GTF2F2: variants seen among roughly 807,000 people sequenced by gnomAD.
GTF2F2 encodes the protein ATP-dependent helicase GTF2F2.
Under a neutral mutation model 42.2 loss-of-function variants are expected in GTF2F2, and 23 were observed. That is an observed-to-expected ratio of 0.55 (90% CI 0.39 to 0.77). The LOEUF is 0.77. GTF2F2 is among the 30% of genes least tolerant of loss of function. The pLI is 0.00. For missense variants in GTF2F2, 261 were observed against 287.2 expected (o/e 0.91, Z 0.66); for synonymous variants, 105 against 100.8 (o/e 1.04, Z -0.25).
chr13:45,195,720 C>A (rs1488963488), intron 4 of GTF2F2, among the ~76,000 whole-genome samples: 1 of 152,200 alleles, frequency 6.6e-6, no homozygotes, highest in Non-Finnish European at 1.5e-5. Context: ...CATTTAAAGG[C>A]TCAGTGGTAA....
intron 6 of GTF2F2, among the ~76,000 whole-genome samples, chr13:45,265,366 C>T (rs550695316): frequency 1.3e-5 from 2 of 152,200 alleles, no homozygotes; most frequent in South Asian, 4.1e-4. Context: ...TCCTAGGTAG[C>T]TCTTTGTCCA....
chr13:45,140,890 A>G (rs1869896690), intron 2 of GTF2F2, among the ~76,000 whole-genome samples: 1 of 152,198 alleles, frequency 6.6e-6, no homozygotes, highest in Admixed American at 6.5e-5. Flanking sequence ...TGCCTTCACA[A>G]TACAGCTCAA....
chr13:45,151,734 T>A lies in GTF2F2; in HGVS notation c.207T>A (p.Gly69=). 6.2e-7 allele frequency: 1 copy of A among 1,605,588 alleles called. No individual in the cohort carries two copies. The highest frequency in any genetic ancestry group is 8.5e-7 in the Non-Finnish European group (1 of 1,173,470). ...ATCTTGCAAATATTCATGATATTGGTGGAAAACCAGCTTCAGTCAGTGCTC... is the reference window on the plus strand; with the variant it reads ...ATCTTGCAAATATTCATGATATTGGAGGAAAACCAGCTTCAGTCAGTGCTC... ...NEDLANIHDI[G]GKPASVSAPR... The change falls in exon 4 of 8, where the codon GGT becomes GGA. Residue 69 remains glycine (G), a synonymous_variant. Coordinates refer to ENST00000340473, the MANE Select transcript of GTF2F2 (RefSeq NM_004128.3).
At position 45,283,816 on chromosome 13, in the gene GTF2F2, T is replaced by C. The variant is rs559020862; in HGVS notation, c.*255T>C. 8 of 195,508 alleles carry C rather than the reference T, an allele frequency of 4.1e-5. No homozygotes were observed. The highest frequency in any genetic ancestry group is 7.2e-5 in the Non-Finnish European group (7 of 96,790). The allele number at this position is 195,508 out of a possible 1,614,324, so 12.1% of individuals were successfully genotyped here. On this transcript the variant is annotated 3_prime_UTR_variant, in exon 8 of 8. Coordinates refer to ENST00000340473, the MANE Select transcript of GTF2F2 (RefSeq NM_004128.3). ...CACAGTAGGAATAGGGGTTGGAGGA[T>C]TAAGAGGGTTTTTCTTAAATATTAG...
intron 4 of GTF2F2, among the ~76,000 whole-genome samples, chr13:45,166,153 A>G (rs1871289758): frequency 6.6e-6 from 1 of 152,188 alleles, no homozygotes; most frequent in Non-Finnish European, 1.5e-5. Flanking sequence ...TTTTAGAAAA[A>G]TACATAACCA....
chr13:45,216,721 G>A (rs1205718246), intron 5 of GTF2F2, among the ~76,000 whole-genome samples: 1 of 151,928 alleles, frequency 6.6e-6, no homozygotes, highest in Non-Finnish European at 1.5e-5. Context: ...ATTGCTCCAA[G>A]TTGGCCAGGC....
chr13:45,155,687 T>A (rs936425739), intron 4 of GTF2F2, among the ~76,000 whole-genome samples: 1 of 152,216 alleles, frequency 6.6e-6, no homozygotes, highest in Non-Finnish European at 1.5e-5. Context: ...TGAGAGAATA[T>A]ATTTTATTTT....
chr13:45,147,414 G>A (rs1170391970), intron 2 of GTF2F2, among the ~76,000 whole-genome samples: 1 of 152,098 alleles, frequency 6.6e-6, no homozygotes, highest in Non-Finnish European at 1.5e-5. Context: ...TAAATTAAAG[G>A]CAGTTACATT....
intron 4 of GTF2F2, among the ~76,000 whole-genome samples, chr13:45,154,497 A>G (rs1167669644): frequency 1.3e-5 from 2 of 152,154 alleles, no homozygotes; most frequent in African/African-American, 4.8e-5. Context: ...CTTGGACAGT[A>G]TGTTCTTTAT....
At chr13:45,164,839 G>A (rs1246453896) in intron 4 of GTF2F2, among the ~76,000 whole-genome samples, 1 of 145,846 alleles carries the variant, frequency 6.9e-6, no homozygotes, top group African/African-American at 2.5e-5. Context: ...AGAATGGGAA[G>A]GGTTACCAAA....
At chr13:45,200,951 T>C (rs1873152872) in intron 4 of GTF2F2, among the ~76,000 whole-genome samples, 1 of 152,186 alleles carries the variant, frequency 6.6e-6, no homozygotes, top group Non-Finnish European at 1.5e-5. Flanking sequence ...GAAATGTTGG[T>C]CAGTAGTCCT....
chr13:45,283,225 T>A (rs1877334446), intron 7 of GTF2F2, among the ~76,000 whole-genome samples: 1 of 152,142 alleles, frequency 6.6e-6, no homozygotes, highest in South Asian at 2.1e-4. Flanking sequence ...GACTTTCAAC[T>A]CCTTTAATGC....
chr13:45,231,402 G>T (rs1874675800), intron 5 of GTF2F2, among the ~76,000 whole-genome samples: 1 of 152,074 alleles, frequency 6.6e-6, no homozygotes, highest in Non-Finnish European at 1.5e-5. Flanking sequence ...CACTGTGCCG[G>T]CCTATTTTCA....
intron 4 of GTF2F2, among the ~76,000 whole-genome samples, chr13:45,182,735 A>G (rs184131597): frequency 5.3e-5 from 8 of 152,178 alleles, no homozygotes; most frequent in Admixed American, 3.9e-4. Context: ...ATTGTTCACT[A>G]TTGGTAGCTA....
At chr13:45,217,193 G>A (rs769055787) in intron 5 of GTF2F2, among the ~76,000 whole-genome samples, 1 of 151,762 alleles carries the variant, frequency 6.6e-6, no homozygotes, top group Non-Finnish European at 1.5e-5. Flanking sequence ...CAGCTACTCG[G>A]GAGGTTGAGG....
At chr13:45,195,510 T>A (rs1042322612) in intron 4 of GTF2F2, among the ~76,000 whole-genome samples, 3 of 150,478 alleles carry the variant, frequency 2.0e-5, no homozygotes, top group Non-Finnish European at 4.4e-5. Flanking sequence ...CAAAATAGTG[T>A]CATGGGTAAG....
rs559314746 is a variant in GTF2F2, at chr13:45,260,417, A to C, written c.487-6816A>C. Among the ~76,000 whole-genome samples, 9 of 152,318 alleles carry C rather than the reference A, an allele frequency of 5.9e-5. No homozygotes were observed. The South Asian group carries it at 1.9e-3, about 32-fold the overall frequency. On this transcript the variant is annotated intron_variant, in intron 6 of 7. Transcript: ENST00000340473. ...ATTTCCTCCCAAGAGATAATGACAC[A>C]CTAGGCAGAAATAGAAGCATTAGTT...
intron 5 of GTF2F2, among the ~76,000 whole-genome samples, chr13:45,245,696 T>TATAC (rs1875560425): frequency 1.6e-5 from 1 of 63,542 alleles, no homozygotes; most frequent in Non-Finnish European, 2.8e-5. Context: ...TATATATATA[T>TATAC]ATATACATAT....
In GTF2F2 at chr13:45,136,937, T is replaced by G; in HGVS notation, c.140+131T>G. On this transcript the variant is annotated intron_variant, in intron 2 of 7. Coordinates refer to ENST00000340473, the MANE Select transcript of GTF2F2 (RefSeq NM_004128.3). ...GACAAGTAATGAGCATGTCAAGGCT[T>G]GTCAGGAGATGGTTAGGTGCCCTGT... 3 of 625,286 alleles carry G rather than the reference T, an allele frequency of 4.8e-6. No individual in the cohort carries two copies. The South Asian group carries it at 5.9e-5, about 12-fold the overall frequency. 38.7% of individuals were successfully genotyped at this position (625,286 alleles called of 1,614,324 possible). A position where few individuals can be genotyped will look rare whatever the true frequency, so the allele number is the denominator to read the frequency against.
Sources: allele counts gnomAD v4.1 joint callset (sites outside exome capture counted in the v4.1 genomes callset), GRCh38; gene constraint gnomAD v4.1.1; transcripts MANE v1.5; gene names NCBI Gene and HGNC (gene_info 2026-07-23, HGNC 2026-07-21).